The following DSCAM variants were observed in gnomAD, a reference collection of about 807,000 sequenced individuals.
DSCAM encodes the protein DS cell adhesion molecule.
In DSCAM, 47 loss-of-function variants were observed where a neutral mutation model predicts 217.7. The ratio of observed to expected loss-of-function variants is 0.22; its 90% CI spans 0.17 to 0.28. The LOEUF is 0.28. Ranked by LOEUF, DSCAM falls within the 10% of genes least tolerant of loss-of-function variation. The pLI is 1.00. For synonymous variants in DSCAM, 1,056 were observed against 1,015.3 expected, an observed-to-expected ratio of 1.04 and a Z score of -0.76; for missense variants, 2,080 against 2,618.3, an observed-to-expected ratio of 0.79 and a Z score of 4.49.
At chr21:40,369,385 C>CGTGTGTGTGTGTGTGT (rs35564463) in intron 3 of DSCAM, 140 bp from the exon 4 acceptor site, 14 of 385,402 alleles carry the variant, frequency 3.6e-5, no homozygotes, top group Admixed American at 4.5e-5. Flanking sequence ...CGTGCGTCTG[C>CGTGTGTGTGTGTGTGT]GTGTGTGTGT....
chr21:40,331,201 A>C (rs2123560865), intron 8 of DSCAM, among the ~76,000 whole-genome samples: 1 of 152,338 alleles, frequency 6.6e-6, no homozygotes, highest in African/African-American at 2.4e-5. Context: ...TTTCCTTGCC[A>C]ACAGAGTTGG....
chr21:40,127,755 C>A (rs1020345272), intron 19 of DSCAM, among the ~76,000 whole-genome samples: 2 of 152,194 alleles, frequency 1.3e-5, no homozygotes, highest in African/African-American at 2.4e-5. Context: ...GAACCAGGAC[C>A]TGGAATTCTC....
chr21:40,844,414 G>T (rs1018068573), intron 1 of DSCAM, among the ~76,000 whole-genome samples: 1 of 152,240 alleles, frequency 6.6e-6, no homozygotes, highest in East Asian at 1.9e-4. Context: ...ATACAAGACA[G>T]TTCCATAGCC....
chr21:40,791,279 A>G (rs2091640296), intron 1 of DSCAM, among the ~76,000 whole-genome samples: 1 of 151,948 alleles, frequency 6.6e-6, no homozygotes, highest in Admixed American at 6.6e-5. Flanking sequence ...TCTATCTTCC[A>G]AGAAGCTCTA....
intron 5 of DSCAM, among the ~76,000 whole-genome samples, chr21:40,350,669 C>T (rs2074619771): frequency 6.6e-6 from 1 of 151,810 alleles, no homozygotes; most frequent in South Asian, 2.1e-4. Flanking sequence ...AGGAAATCCA[C>T]AGATATCAAG....
intron 2 of DSCAM, among the ~76,000 whole-genome samples, chr21:40,699,146 A>T (rs1329598324): frequency 6.6e-6 from 1 of 152,010 alleles, no homozygotes; most frequent in East Asian, 1.9e-4. Flanking sequence ...TAAAATCATT[A>T]TATCTGTTAC....
chr21:40,761,560 C>A (rs1458741640), intron 1 of DSCAM, among the ~76,000 whole-genome samples: 1 of 152,148 alleles, frequency 6.6e-6, no homozygotes, highest in African/African-American at 2.4e-5. Flanking sequence ...AAAAAAACAA[C>A]CCTGTTGACA....
chr21:40,692,734 G>T, intron 3 of DSCAM, 76 bp downstream of exon 3: 3 of 1,512,614 alleles, frequency 2.0e-6, no homozygotes, highest in South Asian at 1.2e-5. Flanking sequence ...CATAAACGGA[G>T]ACCCGATTCC....
intron 1 of DSCAM, among the ~76,000 whole-genome samples, chr21:40,798,004 A>C (rs1014424866): frequency 6.6e-6 from 1 of 152,150 alleles, no homozygotes; most frequent in Non-Finnish European, 1.5e-5. Context: ...TTTAACTCAC[A>C]ATGTAAGTAT....
At chr21:40,646,496 A>G (rs562197907) in intron 3 of DSCAM, among the ~76,000 whole-genome samples, 2 of 152,000 alleles carry the variant, frequency 1.3e-5, no homozygotes, top group East Asian at 3.9e-4. Flanking sequence ...CGTGGCATTG[A>G]CTGATCTGGA....
chr21:40,701,759 T>C (rs2090659106), intron 2 of DSCAM, among the ~76,000 whole-genome samples: 1 of 152,158 alleles, frequency 6.6e-6, no homozygotes, highest in Admixed American at 6.5e-5. Context: ...TTATTGTTAG[T>C]GATTTAATTT....
intron 3 of DSCAM, among the ~76,000 whole-genome samples, chr21:40,541,550 GCCTT>G (rs2076542827): frequency 6.6e-6 from 1 of 152,022 alleles, no homozygotes; most frequent in African/African-American, 2.4e-5. Flanking sequence ...AAGAATAGAG[GCCTT>G]TCTCAGAGTC....
chr21:40,774,138 A>G (rs891018337), intron 1 of DSCAM, among the ~76,000 whole-genome samples: 1 of 152,234 alleles, frequency 6.6e-6, no homozygotes, highest in African/African-American at 2.4e-5. Context: ...CATACAGGAC[A>G]GGCGGCCTGT....
intron 3 of DSCAM, among the ~76,000 whole-genome samples, chr21:40,418,081 T>C (rs754846961): frequency 1.3e-5 from 2 of 152,226 alleles, no homozygotes; most frequent in Admixed American, 6.5e-5. Context: ...TGAAGTACGA[T>C]AGGGGATTAG....
chr21:40,319,437 A>ATGTGTGTGTGTG (rs536367981), intron 8 of DSCAM, among the ~76,000 whole-genome samples: 1,700 of 151,596 alleles, frequency 0.011, 10 homozygotes, highest in Middle Eastern at 0.024. Flanking sequence ...TCGTGTGTGC[A>ATGTGTGTGTGTG]TGTGTGTGTG....
At chr21:40,783,095 A>G (rs922686230) in intron 1 of DSCAM, among the ~76,000 whole-genome samples, 1 of 152,230 alleles carries the variant, frequency 6.6e-6, no homozygotes, top group Admixed American at 6.5e-5. Flanking sequence ...CTTTACAGAA[A>G]AGAGAGAAGG....
intron 15 of DSCAM, among the ~76,000 whole-genome samples, chr21:40,173,074 C>A (rs548764487): frequency 6.6e-6 from 1 of 152,172 alleles, no homozygotes; most frequent in Non-Finnish European, 1.5e-5. Flanking sequence ...GTGCTAAACA[C>A]CAATCTAGGT....
chr21:40,394,808 T>C (rs943254548), intron 3 of DSCAM, among the ~76,000 whole-genome samples: 1 of 152,188 alleles, frequency 6.6e-6, no homozygotes, highest in Non-Finnish European at 1.5e-5. Context: ...ACCGAAGGCA[T>C]ACCAGTTCAG....
In DSCAM at chr21:40,013,364, T is replaced by C. The variant is rs1392313264; in HGVS notation, c.5709A>G (p.Pro1903=). ...HRPGDLIHLP[P]YLRMDFLLNR... is the part of the protein sequence containing the mutation. ...TTAACAAAAAGTCCATTCTAAGGTATGGAGGCAAATGTATGAGGTCACCTA... is the reference window on the plus strand; with the variant it reads ...TTAACAAAAAGTCCATTCTAAGGTACGGAGGCAAATGTATGAGGTCACCTA... The change falls in exon 33 of 33, where the codon CCA becomes CCG. Residue 1903 remains proline, a synonymous_variant. Transcript: ENST00000400454. 5 of 1,574,708 alleles carry C rather than the reference T, an allele frequency of 3.2e-6. No individual in the cohort carries two copies. The highest frequency in any genetic ancestry group is 4.3e-6 in the Non-Finnish European group (5 of 1,161,362).
Sources: gnomAD v4.1 joint callset for allele counts (sites outside exome capture counted in the v4.1 genomes callset) on GRCh38, gnomAD v4.1.1 for gene constraint, MANE v1.5 for transcripts, NCBI Gene and HGNC (gene_info 2026-07-23, HGNC 2026-07-21) for gene names.